Variants in DYNC1H1 observed in about 807,000 individuals in gnomAD.
DYNC1H1 encodes dynein cytoplasmic 1 heavy chain 1.
DYNC1H1 carries 51 observed loss-of-function variants against 527.1 expected under a neutral mutation model. That is an observed-to-expected ratio of 0.10 (90% CI 0.08 to 0.12). The LOEUF is 0.12. Ranked by LOEUF, DYNC1H1 falls within the 10% of genes least tolerant of loss-of-function variation. DYNC1H1 has a pLI of 1.00. For missense variants in DYNC1H1, 2,771 were observed against 5,971.8 expected (o/e 0.46, Z 17.66); for synonymous variants, 2,189 against 2,278.8 (o/e 0.96, Z 1.12).
At chr14:102,048,100 C>A (rs1292394309) in intron 73 of DYNC1H1, 72 bp downstream of exon 73, 3 of 1,513,592 alleles carry the variant, frequency 2.0e-6, no homozygotes, top group African/African-American at 2.8e-5. Flanking sequence ...GACCATTGTT[C>A]CATGGACCAT....
rs192484803 is a variant in DYNC1H1 at position 102,050,589 on chromosome 14, A to G, written c.*26A>G. ...ACTTTTCTAGCTGCCCCTTTCTGTA[A>G]TAGTGAAAGTTGGTATTTAACATTT... On this transcript the variant is annotated 3_prime_UTR_variant, in exon 78 of 78. Transcript: ENST00000360184. 6.2e-6 allele frequency: 10 copies of G among 1,614,174 alleles called. No homozygotes were observed. In the Admixed American group the frequency reaches 1.7e-4, roughly 27 times the overall value.
At position 102,033,589 on chromosome 14, in the gene DYNC1H1, C is replaced by T; in HGVS notation, c.10413+105C>T. 1 of 1,446,660 alleles carries T rather than the reference C, an allele frequency of 6.9e-7. No individual in the cohort carries two copies. The highest frequency in any genetic ancestry group is 1.2e-5 in the South Asian group (1 of 82,800). The allele number at this position is 1,446,660 out of a possible 1,614,324, so 89.6% of individuals were successfully genotyped here. ...CCATGCTGGCCTCGGTGAATTCGCT[C>T]TTTAACATCTGTAAGGCCCCGGAGG... On this transcript the variant is annotated intron_variant, in intron 54 of 77. Transcript: ENST00000360184. The surrounding 1 kb of genome is among the most constrained non-coding windows in gnomAD (Gnocchi z 5.6).
At chr14:102,023,509 A>G (rs1482792954) in intron 43 of DYNC1H1, 18 of 175,086 alleles carry the variant, frequency 1.0e-4, no homozygotes, top group East Asian at 1.5e-4. Context: ...AGATCGCGCC[A>G]TTGCACTGCA....
intron 56 of DYNC1H1, chr14:102,034,915 G>A: frequency 9.5e-6 from 2 of 209,488 alleles, no homozygotes. Flanking sequence ...AACAGAGTGA[G>A]AATCCATCTC....
At position 101,978,349 on chromosome 14, in the gene DYNC1H1, C is replaced by T. The variant is rs531997898; in HGVS notation, c.345-970C>T. Among the ~76,000 whole-genome samples, 30 of 152,018 alleles carry T rather than the reference C, an allele frequency of 2.0e-4. 1 individual carries two copies. Among genetic ancestry groups the T allele is most frequent in the South Asian group, 8.3e-4 (4 of 4,826 alleles). On this transcript the variant is annotated intron_variant, in intron 2 of 77. Transcript: ENST00000360184. ...ACTGTGCCCGGCCTAATTTTTGTAT[C>T]TTTAGTAGAGATGTGGTTTCGCCAT...
At position 102,011,413 on chromosome 14, in the gene DYNC1H1, G is replaced by C. The variant is rs1380485943; in HGVS notation, c.6618+461G>C. 2 of 344,404 alleles carry C rather than the reference G, an allele frequency of 5.8e-6. No homozygotes were observed. Among genetic ancestry groups the C allele is most frequent in the African/African-American group, 4.3e-5 (2 of 46,686 alleles). 21.3% of individuals were successfully genotyped at this position (344,404 alleles called of 1,614,324 possible). Reference sequence around the variant, plus strand: ...GATGCTGTACGGGATTGAACACATAGCTCATCCATTGGGTCTCTTGTTGTC... The same window carrying C: ...GATGCTGTACGGGATTGAACACATACCTCATCCATTGGGTCTCTTGTTGTC... On this transcript the variant is annotated intron_variant, in intron 32 of 77. Coordinates refer to ENST00000360184, the MANE Select transcript of DYNC1H1 (RefSeq NM_001376.5). This position sits in a 1 kb window ranked among gnomAD's most constrained non-coding sequence, Gnocchi z 5.3.
At position 101,986,486 on chromosome 14, in the gene DYNC1H1, A is replaced by G. The variant is rs2047938272; in HGVS notation, c.2261A>G (p.Lys754Arg). Residue 754 changes from lysine (K) to arginine (R), a missense_variant, in exon 8 of 78, where the codon AAA (lysine) becomes AGA (arginine). Physicochemically the swap from Lys to Arg is conservative, Grantham distance 26. Transcript: ENST00000360184. The surrounding 1 kb of genome is among the most constrained non-coding windows in gnomAD (Gnocchi z 8.7). ...CTATCCAAAGAAGTCCGGAACCTCA[A>G]ATGGCTTGGTTTCCGCGTCCCACTG... Reference protein sequence around the residue: ...ITLSKEVRNLKWLGFRVPLAI... With the variant: ...ITLSKEVRNLRWLGFRVPLAI... The G allele has an allele frequency of 3.7e-6, 6 of 1,614,024 alleles. No individual in the cohort carries two copies. The highest frequency in any genetic ancestry group is 5.1e-6 in the Non-Finnish European group (6 of 1,180,038).
intron 1 of DYNC1H1, among the ~76,000 whole-genome samples, chr14:101,972,662 C>G (rs577182937): frequency 4.9e-4 from 75 of 152,220 alleles, no homozygotes; most frequent in African/African-American, 1.7e-3. Context: ...ATGCTGTGTC[C>G]GGACTGCGCA....
chr14:102,008,082 G>GT, intron 28 of DYNC1H1, 96 bp from the exon 29 acceptor site: 1 of 1,569,446 alleles, frequency 6.4e-7, no homozygotes, highest in Non-Finnish European at 8.7e-7. Context: ...ACCCACTAGG[G>GT]TTAGGGCATC....
intron 23 of DYNC1H1, among the ~76,000 whole-genome samples, chr14:102,003,816 C>T (rs1329265881): frequency 6.6e-6 from 1 of 152,074 alleles, no homozygotes; most frequent in Non-Finnish European, 1.5e-5. Context: ...ATCCCAGGTA[C>T]TCAGGAGGCT....
chr14:101,995,399 C>T lies in DYNC1H1; in HGVS notation c.3564+99C>T. On this transcript the variant is annotated intron_variant, in intron 15 of 77. Transcript: ENST00000360184. ...GGCCGAGGCGGGCGGATCACGAGGTCAGGAGATCGAGACCATCCTGGCTAA... is the reference window on the plus strand; with the variant it reads ...GGCCGAGGCGGGCGGATCACGAGGTTAGGAGATCGAGACCATCCTGGCTAA... 2.1e-6 allele frequency: 3 copies of T among 1,447,080 alleles called. No individual in the cohort carries two copies. The South Asian group carries it at 3.4e-5, about 17-fold the overall frequency. The allele number at this position is 1,447,080 out of a possible 1,614,324, so 89.6% of individuals were successfully genotyped here.
rs1393056239 is a variant in DYNC1H1, at chr14:102,042,782, A to G, written c.12513+34A>G. On this transcript the variant is annotated intron_variant, in intron 69 of 77. Transcript: ENST00000360184. The surrounding 1 kb of genome is among the most constrained non-coding windows in gnomAD (Gnocchi z 5.7). Reference sequence around the variant, plus strand: ...CTTGTCCTCCTGGTATGCTTTCCCCATAGAAGCTAAAGCCCAGTCCCATCA... The same window carrying G: ...CTTGTCCTCCTGGTATGCTTTCCCCGTAGAAGCTAAAGCCCAGTCCCATCA... 4 of 1,609,960 alleles carry G rather than the reference A, an allele frequency of 2.5e-6. No individual in the cohort carries two copies. The highest frequency in any genetic ancestry group is 2.2e-5 in the East Asian group (1 of 44,740).
intron 57 of DYNC1H1, chr14:102,037,561 A>G (rs2152594292): frequency 6.6e-6 from 1 of 152,332 alleles, no homozygotes; most frequent in East Asian, 1.9e-4. Flanking sequence ...CAAGTACCAG[A>G]TGTTCTCACT....
In DYNC1H1 at chr14:102,044,975, T is replaced by A. The variant is rs1190715546; in HGVS notation, c.13006+277T>A. The A allele has an allele frequency of 2.0e-6, 1 of 503,866 alleles. No individual in the cohort carries two copies. The highest frequency in any genetic ancestry group is 3.6e-6 in the Non-Finnish European group (1 of 276,150). 31.2% of individuals were successfully genotyped at this position (503,866 alleles called of 1,614,324 possible). On this transcript the variant is annotated intron_variant, in intron 72 of 77. Transcript: ENST00000360184. The surrounding 1 kb of genome is among the most constrained non-coding windows in gnomAD (Gnocchi z 7.1). Reference sequence around the variant, plus strand: ...GGCTTGATATTTATGTAAATGAGCCTAGAAATAACATTTAGATGTTCATCT... The same window carrying A: ...GGCTTGATATTTATGTAAATGAGCCAAGAAATAACATTTAGATGTTCATCT...
chr14:102,000,855 G>A (rs1256437825), intron 18 of DYNC1H1, 99 bp from the exon 19 acceptor site: 58 of 1,104,680 alleles, frequency 5.3e-5, no homozygotes, highest in Non-Finnish European at 7.2e-5. Context: ...TTACAGGCAT[G>A]AGCCACCGCG....
intron 2 of DYNC1H1, among the ~76,000 whole-genome samples, chr14:101,976,823 A>C (rs920845303): frequency 6.6e-5 from 10 of 152,232 alleles, no homozygotes; most frequent in Non-Finnish European, 1.5e-4. Context: ...TTTGCGGGAA[A>C]AAAGCAATAC....
intron 5 of DYNC1H1, 125 bp from the exon 6 acceptor site, chr14:101,982,894 A>G (rs2047885106): frequency 8.4e-7 from 1 of 1,183,974 alleles, no homozygotes; most frequent in Non-Finnish European, 1.2e-6. Flanking sequence ...TTTTTCAAAT[A>G]TGAATAGTTT....
chr14:101,995,297 T>A lies in DYNC1H1; in HGVS notation c.3561T>A (p.Val1187=). ...AGATCAAGCAGTTTGAGAAGCAAGT[T>A]GAGGTGAGCTCTGTGCATATTTAAA... The part of the protein sequence containing the change: ...KRKIKQFEKQ[V]ELYRNGQRLL... The change falls in exon 15 of 78, where the codon GTT becomes GTA. Residue 1187 remains valine (V), a synonymous_variant. Transcript: ENST00000360184. The A allele has an allele frequency of 6.2e-7, 1 of 1,614,172 alleles. No homozygotes were observed. Among genetic ancestry groups the A allele is most frequent in the South Asian group, 1.1e-5 (1 of 91,088 alleles).
chr14:101,994,393 A>G, intron 12 of DYNC1H1, 69 bp downstream of exon 12: 1 of 1,608,562 alleles, frequency 6.2e-7, no homozygotes, highest in South Asian at 1.1e-5. Flanking sequence ...TACAAGATAT[A>G]AAGAACATGG....
Sources: gnomAD v4.1 joint callset for allele counts (sites outside exome capture counted in the v4.1 genomes callset) on GRCh38, gnomAD v4.1.1 for gene constraint, Gnocchi (gnomAD v3.1) non-coding constraint, MANE v1.5 for transcripts, NCBI Gene and HGNC (gene_info 2026-07-23, HGNC 2026-07-21) for gene names.